KIAA0319: variants seen among roughly 807,000 people sequenced by gnomAD.
KIAA0319 encodes the protein KIAA0319.
In KIAA0319, 83 loss-of-function variants were observed where a neutral mutation model predicts 108.4. The observed-to-expected ratio is 0.77, with a 90% confidence interval of 0.64 to 0.92. The LOEUF (loss-of-function observed/expected upper bound fraction) is 0.92. Ranked by LOEUF, KIAA0319 falls within the 40% of genes least tolerant of loss-of-function variation. The pLI, the probability that KIAA0319 is intolerant of heterozygous loss-of-function variation, is 0.00. For missense variants in KIAA0319, 1,195 were observed against 1,322.4 expected (o/e 0.90, Z 1.49); for synonymous variants, 484 against 510.4 (o/e 0.95, Z 0.70).
At chr6:24,561,132 G>T (rs1390456057) in intron 16 of KIAA0319, among the ~76,000 whole-genome samples, 2 of 152,210 alleles carry the variant, frequency 1.3e-5, no homozygotes, top group Non-Finnish European at 2.9e-5. Context: ...TAAGTTGCTG[G>T]ATTCAGTTTG....
intron 18 of KIAA0319, among the ~76,000 whole-genome samples, chr6:24,555,641 T>C (rs1302121048): frequency 9.9e-5 from 15 of 152,162 alleles, no homozygotes; most frequent in African/African-American, 3.4e-4. Context: ...TTACTATCCT[T>C]GGTGCCAATT....
intron 4 of KIAA0319, among the ~76,000 whole-genome samples, chr6:24,588,123 GA>G (rs1038723606): frequency 6.6e-6 from 1 of 152,232 alleles, no homozygotes; most frequent in African/African-American, 2.4e-5. Flanking sequence ...AATGAGAGAT[GA>G]TGGATGGGAA....
chr6:24,583,221 A>C, intron 5 of KIAA0319: 1 of 991,410 alleles, frequency 1.0e-6, no homozygotes, highest in Non-Finnish European at 1.2e-6. Context: ...TCAATGCCAC[A>C]GTATCTGCAA....
At chr6:24,583,726 C>CGT in intron 4 of KIAA0319, 24 bp from the exon 5 acceptor site, 2 of 1,381,692 alleles carry the variant, frequency 1.4e-6, no homozygotes, top group South Asian at 2.3e-5. Context: ...AGAAATAATA[C>CGT]GTGCAATTAT....
At chr6:24,593,205 G>C (rs777867056) in intron 3 of KIAA0319, among the ~76,000 whole-genome samples, 5 of 151,910 alleles carry the variant, frequency 3.3e-5, no homozygotes, top group Non-Finnish European at 7.4e-5. Flanking sequence ...ACCCAGTTTT[G>C]CCTCTGTTTG....
At chr6:24,591,210 C>CT (rs1401137837) in intron 3 of KIAA0319, among the ~76,000 whole-genome samples, 1 of 152,102 alleles carries the variant, frequency 6.6e-6, no homozygotes, top group Non-Finnish European at 1.5e-5. Context: ...TCTATATGGA[C>CT]ATGTTTTCTT....
rs187190878 is a variant in KIAA0319, at chr6:24,615,808, A to G, written c.-105-14600T>C. Among the ~76,000 whole-genome samples, 436 of 152,330 alleles carry G rather than the reference A, an allele frequency of 2.9e-3. 5 individuals carry two copies. Among genetic ancestry groups the G allele is most frequent in the Non-Finnish European group, 5.2e-3 (351 of 68,034 alleles). On this transcript the variant is annotated intron_variant, in intron 1 of 20. Coordinates refer to ENST00000378214, the MANE Select transcript of KIAA0319 (RefSeq NM_014809.4). Reference sequence around the variant, plus strand: ...ACATTCTCTTTTGCATCTTACTATGAAAGATGAAGACTTAGTCACCTCCTA... The same window carrying G: ...ACATTCTCTTTTGCATCTTACTATGGAAGATGAAGACTTAGTCACCTCCTA...
chr6:24,559,236 G>A (rs1397652413), intron 16 of KIAA0319, 81 bp from the exon 17 acceptor site: 2 of 1,485,214 alleles, frequency 1.3e-6, no homozygotes, highest in East Asian at 2.3e-5. Flanking sequence ...CATCTGACCT[G>A]TGAAACTGGG....
chr6:24,633,742 C>T (rs561420854), intron 1 of KIAA0319, among the ~76,000 whole-genome samples: 10 of 152,152 alleles, frequency 6.6e-5, no homozygotes, highest in African/African-American at 2.4e-4. Context: ...AAATTTAATA[C>T]TTATTAGAAC....
At position 24,545,100 on chromosome 6, in the gene KIAA0319, G is replaced by C. The variant is rs1760467825; in HGVS notation, c.*2065C>G. On this transcript the variant is annotated 3_prime_UTR_variant, in exon 21 of 21. Coordinates refer to ENST00000378214, the MANE Select transcript of KIAA0319 (RefSeq NM_014809.4). ...GAAATTCCTCTTAGTCCTGGGAATAGAACTTTCAGGTGGCCCAAAAGTTCC... is the reference window on the plus strand; with the variant it reads ...GAAATTCCTCTTAGTCCTGGGAATACAACTTTCAGGTGGCCCAAAAGTTCC... The C allele has an allele frequency of 6.6e-6, 1 of 152,226 alleles. No homozygotes were observed. The highest frequency in any genetic ancestry group is 1.5e-5 in the Non-Finnish European group (1 of 68,042). 9.4% of individuals were successfully genotyped at this position (152,226 alleles called of 1,614,324 possible).
At chr6:24,611,590 T>C (rs1253790801) in intron 1 of KIAA0319, among the ~76,000 whole-genome samples, 1 of 152,292 alleles carries the variant, frequency 6.6e-6, no homozygotes, top group East Asian at 1.9e-4. Flanking sequence ...ATAAGCACAG[T>C]AGAAGTGTCA....
chr6:24,622,612 T>C (rs1022507570), intron 1 of KIAA0319, among the ~76,000 whole-genome samples: 4 of 152,182 alleles, frequency 2.6e-5, no homozygotes, highest in African/African-American at 9.6e-5. Flanking sequence ...GCAGCTAATA[T>C]ATATTAAGTA....
chr6:24,581,855 T>C (rs1209156287), intron 6 of KIAA0319, among the ~76,000 whole-genome samples: 1 of 152,196 alleles, frequency 6.6e-6, no homozygotes. Flanking sequence ...ATGAGAAAGA[T>C]GTTTGCAGCT....
intron 19 of KIAA0319, among the ~76,000 whole-genome samples, chr6:24,552,687 C>A (rs1581881313): frequency 6.6e-6 from 1 of 152,242 alleles, no homozygotes; most frequent in South Asian, 2.1e-4. Flanking sequence ...CTCACTGCAA[C>A]CTCTTCCTCC....
intron 1 of KIAA0319, among the ~76,000 whole-genome samples, chr6:24,628,840 G>C (rs900053014): frequency 1.2e-4 from 18 of 152,000 alleles, no homozygotes; most frequent in African/African-American, 3.1e-4. Flanking sequence ...GTGTGCCTCT[G>C]GGTCAAAATT....
At chr6:24,556,862 G>A (rs553796186) in intron 17 of KIAA0319, 133 bp from the exon 18 acceptor site, 1 of 1,038,848 alleles carries the variant, frequency 9.6e-7, no homozygotes. Flanking sequence ...TTACAGTGTG[G>A]ACAGGGGTTC....
chr6:24,568,883 T>C lies in KIAA0319; in HGVS notation c.2038A>G (p.Thr680Ala). ...EMENIDKAIATVTGLQVGTYH... is the reference protein window; with the variant it reads ...EMENIDKAIAAVTGLQVGTYH... ...GTCCCCACCTGGAGACCAGTCACAG[T>C]GGCTATTGCTTTGTCAATATTTTCC... is the stretch of plus-strand genomic sequence containing the variant. Residue 680 changes from threonine (T) to alanine (A), a missense_variant, in exon 13 of 21, where the codon ACT becomes GCT. By Grantham distance (58) the Thr-to-Ala change is moderately conservative. Transcript: ENST00000378214. 6.2e-7 allele frequency: 1 copy of C among 1,614,198 alleles called. No homozygotes were observed. Among genetic ancestry groups the C allele is most frequent in the Non-Finnish European group, 8.5e-7 (1 of 1,180,024 alleles).
intron 10 of KIAA0319, among the ~76,000 whole-genome samples, 175 bp from the exon 11 acceptor site, chr6:24,572,873 T>C (rs537036427): frequency 6.6e-6 from 1 of 152,260 alleles, no homozygotes; most frequent in African/African-American, 2.4e-5. Flanking sequence ...CCCAGCACTT[T>C]AGGAGGCCAA....
intron 1 of KIAA0319, among the ~76,000 whole-genome samples, chr6:24,637,819 C>G (rs6917244): frequency 0.74 from 106,808 of 143,698 alleles, 38,249 homozygotes; most frequent in East Asian, 0.88. Flanking sequence ...GCAGATCCTT[C>G]AGTTAAAAAA....
Sources: gnomAD v4.1 joint callset for allele counts (sites outside exome capture counted in the v4.1 genomes callset) on GRCh38, gnomAD v4.1.1 for gene constraint, MANE v1.5 for transcripts, NCBI Gene and HGNC (gene_info 2026-07-23, HGNC 2026-07-21) for gene names.